DBNDD1: variants seen among roughly 807,000 people sequenced by gnomAD.
DBNDD1 encodes the protein dysbindin domain containing 1.
DBNDD1 carries 14 observed loss-of-function variants against 17.0 expected under a neutral mutation model. The observed-to-expected ratio is 0.82, with a 90% CI of 0.54 to 1.29. DBNDD1 has a LOEUF of 1.29. Ranked by LOEUF, DBNDD1 falls within the 50% of genes most tolerant of loss-of-function variation. The pLI is 0.00. For synonymous variants in DBNDD1, 105 were observed against 102.0 expected (o/e 1.03, Z -0.18); for missense variants, 221 against 216.2 (o/e 1.02, Z -0.14).
chr16:90,018,707 C>G (rs1160627202), intron 1 of DBNDD1, among the ~76,000 whole-genome samples: 1 of 152,188 alleles, frequency 6.6e-6, no homozygotes, highest in African/African-American at 2.4e-5. Flanking sequence ...GGGAGCGCTC[C>G]ACGCGCACCT....
intron 1 of DBNDD1, 49 bp from the exon 2 acceptor site, chr16:90,009,479 TC>T: frequency 5.6e-6 from 9 of 1,598,820 alleles, no homozygotes; most frequent in Non-Finnish European, 6.8e-6. Context: ...GGCTCCCACA[TC>T]CCCCCAGGAC....
chr16:90,017,506 A>T (rs971231299), intron 1 of DBNDD1, among the ~76,000 whole-genome samples: 2 of 152,216 alleles, frequency 1.3e-5, no homozygotes, highest in African/African-American at 2.4e-5. Flanking sequence ...AAAAAAAAAA[A>T]AATCATATTT....
rs935237000 is a variant in DBNDD1 at position 90,019,061 on chromosome 16, G to T, written c.31+250C>A. Among the ~76,000 whole-genome samples the T allele has an allele frequency of 6.6e-6, 1 of 152,180 alleles. No individual in the cohort carries two copies. The highest frequency in any genetic ancestry group is 1.9e-4 in the East Asian group (1 of 5,164). Reference sequence around the variant, plus strand: ...ACGAAACTCCGGGCCACCCACCAAGGAGCGTGCCGGGCACGGCTTCCCGGG... The same window carrying T: ...ACGAAACTCCGGGCCACCCACCAAGTAGCGTGCCGGGCACGGCTTCCCGGG... On this transcript the variant is annotated intron_variant, in intron 1 of 3. Transcript: ENST00000002501. This position sits in a 1 kb window ranked among gnomAD's most constrained non-coding sequence, Gnocchi z 6.1.
intron 1 of DBNDD1, 187 bp from the exon 2 acceptor site, chr16:90,009,617 A>G (rs1041275314): frequency 4.8e-6 from 4 of 835,202 alleles, no homozygotes; most frequent in Admixed American, 2.9e-5. Flanking sequence ...AGGGGCTTCA[A>G]GGAGGCTGCT....
chr16:90,011,902 G>A (rs1172620079), intron 1 of DBNDD1, among the ~76,000 whole-genome samples: 2 of 152,174 alleles, frequency 1.3e-5, no homozygotes, highest in Non-Finnish European at 2.9e-5. Context: ...CGCTGAGGGG[G>A]TGCCCAGGAG....
intron 1 of DBNDD1, among the ~76,000 whole-genome samples, chr16:90,015,830 C>T (rs541400162): frequency 2.0e-5 from 3 of 151,128 alleles, no homozygotes; most frequent in Admixed American, 6.6e-5. Flanking sequence ...CATCAGTGAT[C>T]GTCAGAGGCT....
chr16:90,009,489 A>AC (rs776617990), intron 1 of DBNDD1, 59 bp from the exon 2 acceptor site: 1 of 1,595,168 alleles, frequency 6.3e-7, no homozygotes, highest in South Asian at 1.1e-5. Flanking sequence ...TCCCCCCAGG[A>AC]CGCGGGGCTG....
Position 90,019,285 on chromosome 16 carries a change from G to A in DBNDD1, c.31+26C>T, listed in dbSNP as rs1022772804. The A allele has an allele frequency of 8.4e-7, 1 of 1,196,060 alleles. No individual in the cohort carries two copies. The allele number at this position is 1,196,060 out of a possible 1,614,324, so 74.1% of individuals were successfully genotyped here. A position where few individuals can be genotyped will look rare whatever the true frequency, so the allele number is the denominator to read the frequency against. ...CGCTGCGGGGAAGCGCTGCGCGGGG[G>A]TCTCGGGGGCTGGGGCTGAACTCAC... On this transcript the variant is annotated intron_variant, in intron 1 of 3. Coordinates refer to ENST00000002501, the MANE Select transcript of DBNDD1 (RefSeq NM_001042610.3). This position sits in a 1 kb window ranked among gnomAD's most constrained non-coding sequence, Gnocchi z 6.1.
chr16:90,016,224 C>T (rs907543150), intron 1 of DBNDD1, among the ~76,000 whole-genome samples: 1 of 152,144 alleles, frequency 6.6e-6, no homozygotes, highest in African/African-American at 2.4e-5. Flanking sequence ...TGGGACCTAG[C>T]GCACAGTAGG....
At chr16:90,010,971 A>C (rs1314267888) in intron 1 of DBNDD1, among the ~76,000 whole-genome samples, 1 of 152,170 alleles carries the variant, frequency 6.6e-6, no homozygotes, top group Non-Finnish European at 1.5e-5. Context: ...ACCTGTTTCC[A>C]GATGGCCCTC....
chr16:90,006,014 C>T lies in DBNDD1; in HGVS notation c.*321G>A, dbSNP rs1161484585. 2.5e-5 allele frequency: 7 copies of T among 276,388 alleles called. No homozygotes were observed. Among genetic ancestry groups the T allele is most frequent in the African/African-American group, 8.4e-5 (4 of 47,616 alleles). 17.1% of individuals were successfully genotyped at this position (276,388 alleles called of 1,614,324 possible). A position where few individuals can be genotyped will look rare whatever the true frequency, so the allele number is the denominator to read the frequency against. ...CACGTTCCTGGCAGTGACTCCGTGA[C>T]GCTGTCTTCCTGACTCGGGGCCCAG... On this transcript the variant is annotated 3_prime_UTR_variant, in exon 4 of 4. Transcript: ENST00000002501.
chr16:90,015,181 G>A (rs1480849418), intron 1 of DBNDD1, among the ~76,000 whole-genome samples: 4 of 152,242 alleles, frequency 2.6e-5, no homozygotes, highest in African/African-American at 9.6e-5. Context: ...TGTAAAGTCT[G>A]GTGCCGTGGT....
Position 90,006,494 on chromosome 16 carries a change from T to G in DBNDD1, c.320-2A>C, listed in dbSNP as rs2035429631. 6.3e-7 allele frequency: 1 copy of G among 1,595,964 alleles called. No individual in the cohort carries two copies. Among genetic ancestry groups the G allele is most frequent in the Admixed American group, 1.7e-5 (1 of 59,910 alleles). ...CGGCCCGGGGCAGCGGGTGCAGACC[T>G]AGGGGCATGCGGGAAGGGGAACTCG... On this transcript the variant is annotated splice_acceptor_variant, in intron 3 of 3. Transcript: ENST00000002501. LOFTEE classifies it high-confidence loss of function.
intron 1 of DBNDD1, among the ~76,000 whole-genome samples, chr16:90,014,314 A>G (rs1381344468): frequency 2.0e-5 from 3 of 151,846 alleles, no homozygotes; most frequent in Middle Eastern, 3.2e-3. Context: ...TTTAGTAGAG[A>G]TGGGGTTTCT....
chr16:90,014,261 G>C (rs1373733792), intron 1 of DBNDD1, among the ~76,000 whole-genome samples: 1 of 151,980 alleles, frequency 6.6e-6, no homozygotes, highest in Admixed American at 6.6e-5. Flanking sequence ...CAAGTAGCTG[G>C]GATTACAGGC....
intron 1 of DBNDD1, among the ~76,000 whole-genome samples, chr16:90,018,572 C>A (rs1029977876): frequency 2.0e-5 from 3 of 152,198 alleles, no homozygotes; most frequent in African/African-American, 4.8e-5. Flanking sequence ...AAGTTCCTAC[C>A]TAGGCAAATG....
intron 2 of DBNDD1, 63 bp downstream of exon 2, chr16:90,009,221 C>A: frequency 6.3e-7 from 1 of 1,599,076 alleles, no homozygotes. Flanking sequence ...ACCCTGCTGC[C>A]TTGTCTCTTG....
chr16:90,008,679 G>T lies in DBNDD1; in HGVS notation c.319+105C>A, dbSNP rs555119213. On this transcript the variant is annotated intron_variant, in intron 3 of 3. Transcript: ENST00000002501. ...CTCACCCCCCAAACACACCTCCCAG[G>T]ACGTCCCAAGGGCCCTCAGCCCACC... 14 of 921,260 alleles carry T rather than the reference G, an allele frequency of 1.5e-5. 1 individual carries two copies. In the South Asian group the frequency reaches 2.3e-4, roughly 15 times the overall value. 57.1% of individuals were successfully genotyped at this position (921,260 alleles called of 1,614,324 possible). A position where few individuals can be genotyped will look rare whatever the true frequency, so the allele number is the denominator to read the frequency against.
At chr16:90,010,229 A>G in intron 1 of DBNDD1, 2 of 548,898 alleles carry the variant, frequency 3.6e-6, no homozygotes, top group Admixed American at 6.8e-5. Context: ...TATTTTTAGT[A>G]GAGACGGGGT....
Sources: allele counts gnomAD v4.1 joint callset (sites outside exome capture counted in the v4.1 genomes callset), GRCh38; gene constraint gnomAD v4.1.1; non-coding constraint Gnocchi (gnomAD v3.1); transcripts MANE v1.5; gene names NCBI Gene and HGNC (gene_info 2026-07-23, HGNC 2026-07-21).